Variants in SMPD3 observed in about 807,000 individuals in gnomAD.
SMPD3 encodes nSMase-2.
In SMPD3, 21 loss-of-function variants were observed where a neutral mutation model predicts 55.7. That is an observed-to-expected ratio of 0.38 (90% CI 0.27 to 0.54). The LOEUF (loss-of-function observed/expected upper bound fraction) is 0.54, where lower values mean the gene tolerates loss of function less well. Ranked by LOEUF, SMPD3 falls within the 20% of genes least tolerant of loss-of-function variation. SMPD3 has a pLI of 0.80. For missense variants in SMPD3, 842 were observed against 899.6 expected (o/e 0.94, Z 0.82); for synonymous variants, 457 against 404.3 (o/e 1.13, Z -1.56).
intron 2 of SMPD3, among the ~76,000 whole-genome samples, chr16:68,385,288 T>A (rs2090033853): frequency 6.6e-6 from 1 of 152,230 alleles, no homozygotes; most frequent in Admixed American, 6.5e-5. Context: ...ATAAGTGATA[T>A]GCAAACATAT....
chr16:68,397,900 C>A (rs1360066467), intron 1 of SMPD3, among the ~76,000 whole-genome samples: 1 of 152,246 alleles, frequency 6.6e-6, no homozygotes, highest in African/African-American at 2.4e-5. Context: ...GGGTCTGGGA[C>A]CTGGGTCACA....
chr16:68,361,407 G>A, intron 8 of SMPD3, 100 bp from the exon 9 acceptor site: 1 of 1,407,246 alleles, frequency 7.1e-7, no homozygotes, highest in Non-Finnish European at 9.8e-7. Flanking sequence ...CCGGGGCTGG[G>A]GTGGGCTGGG....
At chr16:68,373,389 C>T (rs944751677) in intron 2 of SMPD3, among the ~76,000 whole-genome samples, 2 of 152,234 alleles carry the variant, frequency 1.3e-5, no homozygotes, top group Non-Finnish European at 2.9e-5. Flanking sequence ...CTCCGGGGAC[C>T]CACGTGTGAT....
At chr16:68,411,153 G>A (rs574630003) in intron 1 of SMPD3, among the ~76,000 whole-genome samples, 19 of 152,358 alleles carry the variant, frequency 1.2e-4, no homozygotes, top group Non-Finnish European at 2.5e-4. Flanking sequence ...AAAGCAGGCC[G>A]GGGTCAGGAG....
At chr16:68,390,172 T>C (rs1204998759) in intron 1 of SMPD3, among the ~76,000 whole-genome samples, 1 of 152,220 alleles carries the variant, frequency 6.6e-6, no homozygotes, top group Non-Finnish European at 1.5e-5. Context: ...GTCACGGCGC[T>C]GGTGGGAGTG....
Position 68,363,583 on chromosome 16 carries a change from G to A in SMPD3, c.1646-24C>T, listed in dbSNP as rs762702993. On this transcript the variant is annotated intron_variant, in intron 6 of 8. Transcript: ENST00000219334. The stretch of plus-strand genomic sequence containing the variant: ...ACCTGGGGGGGACGAGGGGGTGACA[G>A]TGGTCGCTGCAGGCAGGGCCCAGGC... The A allele has an allele frequency of 6.8e-6, 11 of 1,608,962 alleles. No individual in the cohort carries two copies. The East Asian group carries it at 2.5e-4, about 36-fold the overall frequency.
intron 1 of SMPD3, among the ~76,000 whole-genome samples, chr16:68,438,510 T>C (rs1156456953): frequency 6.6e-6 from 1 of 152,156 alleles, no homozygotes; most frequent in East Asian, 1.9e-4. Flanking sequence ...AGATTTCATA[T>C]CCCTTTCTTT....
intron 2 of SMPD3, among the ~76,000 whole-genome samples, chr16:68,376,000 A>C (rs1442064197): frequency 2.6e-5 from 4 of 152,196 alleles, no homozygotes; most frequent in African/African-American, 9.7e-5. Flanking sequence ...CTGCCTCTGC[A>C]TAGAAGCCGC....
intron 1 of SMPD3, among the ~76,000 whole-genome samples, chr16:68,420,217 A>G (rs374041479): frequency 2.6e-5 from 4 of 152,308 alleles, no homozygotes; most frequent in African/African-American, 4.8e-5. Context: ...TGCTGGGATT[A>G]TACGTGTGAG....
intron 2 of SMPD3, among the ~76,000 whole-genome samples, chr16:68,384,239 G>A (rs1019693727): frequency 5.3e-5 from 8 of 152,220 alleles, no homozygotes; most frequent in Non-Finnish European, 4.4e-5. Flanking sequence ...CCTGACAGCC[G>A]TCATCTGTGT....
chr16:68,423,287 T>G (rs2090410544), intron 1 of SMPD3, among the ~76,000 whole-genome samples: 1 of 152,170 alleles, frequency 6.6e-6, no homozygotes, highest in African/African-American at 2.4e-5. Flanking sequence ...ACTTACTAGC[T>G]GCTATGGTTT....
rs531358065 is a variant in SMPD3 at position 68,365,734 on chromosome 16, C to T, written c.1324-642G>A. Among the ~76,000 whole-genome samples the T allele has an allele frequency of 6.6e-5, 10 of 152,324 alleles. 2 individuals carry two copies. In the South Asian group the frequency reaches 1.7e-3, roughly 25 times the overall value. ...CACACCCCTGGCTCCATCCTGAGCCCACTGTGGCAGCATCCTCTTCAGGTC... is the reference window on the plus strand; with the variant it reads ...CACACCCCTGGCTCCATCCTGAGCCTACTGTGGCAGCATCCTCTTCAGGTC... On this transcript the variant is annotated intron_variant, in intron 3 of 8. Transcript: ENST00000219334.
chr16:68,361,384 C>T, intron 8 of SMPD3, 77 bp from the exon 9 acceptor site: 3 of 1,491,096 alleles, frequency 2.0e-6, no homozygotes, highest in South Asian at 1.2e-5. Flanking sequence ...CTGGGGATCC[C>T]CAAAGTGAGG....
At chr16:68,374,836 G>C (rs1271015648) in intron 2 of SMPD3, among the ~76,000 whole-genome samples, 3 of 152,318 alleles carry the variant, frequency 2.0e-5, no homozygotes, top group Admixed American at 2.0e-4. Context: ...ACCTGTCTCT[G>C]GTGGACCAGC....
At chr16:68,409,086 C>T (rs934549215) in intron 1 of SMPD3, among the ~76,000 whole-genome samples, 3 of 152,150 alleles carry the variant, frequency 2.0e-5, no homozygotes, top group Non-Finnish European at 4.4e-5. Flanking sequence ...CAATGCTGAC[C>T]TGTCTCTATC....
At chr16:68,428,527 G>C (rs1490036882) in intron 1 of SMPD3, among the ~76,000 whole-genome samples, 1 of 152,214 alleles carries the variant, frequency 6.6e-6, no homozygotes, top group Non-Finnish European at 1.5e-5. Context: ...GGGAGGGTGG[G>C]TTTATCCCTT....
chr16:68,436,490 C>T (rs2152032589), intron 1 of SMPD3, among the ~76,000 whole-genome samples: 1 of 152,190 alleles, frequency 6.6e-6, no homozygotes, highest in South Asian at 2.1e-4. Context: ...CTCTGTCTTC[C>T]TTCTAGGACT....
chr16:68,417,498 A>T (rs1458777639), intron 1 of SMPD3, among the ~76,000 whole-genome samples: 1 of 152,176 alleles, frequency 6.6e-6, no homozygotes, highest in Non-Finnish European at 1.5e-5. Flanking sequence ...AAGCCTCCCT[A>T]AGGAGCCACT....
intron 1 of SMPD3, among the ~76,000 whole-genome samples, chr16:68,411,652 A>G (rs747848390): frequency 1.3e-5 from 2 of 152,198 alleles, no homozygotes; most frequent in Non-Finnish European, 2.9e-5. Flanking sequence ...CAGTGGGGGA[A>G]CAGCAGCCAC....
Sources: allele counts gnomAD v4.1 joint callset (sites outside exome capture counted in the v4.1 genomes callset), GRCh38; gene constraint gnomAD v4.1.1; transcripts MANE v1.5; gene names NCBI Gene and HGNC (gene_info 2026-07-23, HGNC 2026-07-21).